Variants in OR2T1 observed in about 807,000 individuals in gnomAD.
The protein encoded by OR2T1 is olfactory receptor 2T1.
For synonymous variants in OR2T1, 186 were observed against 145.4 expected (o/e 1.28, Z -2.01); for missense variants, 440 against 390.2 (o/e 1.13, Z -1.07).
At chr1:248,406,006 A>G in intron 1 of OR2T1, 109 bp from the exon 2 acceptor site, 3 of 1,607,870 alleles carry the variant, frequency 1.9e-6, no homozygotes, top group Non-Finnish European at 2.5e-6. Flanking sequence ...TGTGGCAAGA[A>G]TACTATTTTT....
Position 248,407,253 on chromosome 1 carries a change from G to GTTATA in OR2T1, c.*153_*154insATTAT. ...AGGGTTTCTGGTTCATAACTCCATA[G>GTTATA]TTATGATGTTGTGGTTTTTTAGGCC... On this transcript the variant is annotated 3_prime_UTR_variant, in exon 2 of 2. Transcript: ENST00000642005. The GTTATA allele has an allele frequency of 1.9e-6, 1 of 533,192 alleles. No individual in the cohort carries two copies. Among genetic ancestry groups the GTTATA allele is most frequent in the South Asian group, 3.8e-5 (1 of 26,232 alleles). The allele number at this position is 533,192 out of a possible 1,614,324, so 33.0% of individuals were successfully genotyped here.
intron 1 of OR2T1, 85 bp from the exon 2 acceptor site, chr1:248,406,030 C>T (rs1039901578): frequency 1.9e-6 from 3 of 1,611,536 alleles, no homozygotes; most frequent in Admixed American, 3.3e-5. Context: ...ATGTTTTCTT[C>T]CCACTTTTAA....
At chr1:248,403,617 C>T (rs1661475750) in intron 1 of OR2T1, among the ~76,000 whole-genome samples, 1 of 152,084 alleles carries the variant, frequency 6.6e-6, no homozygotes, top group Non-Finnish European at 1.5e-5. Context: ...TATAAAGTCA[C>T]AGAATCATTC....
Position 248,406,884 on chromosome 1 carries a change from TG to T in OR2T1, c.739del (p.Val247CysfsTer38). ...GCCACTTGCTCATCCCACATGACTG[TG>T]GTGTCCTTGTTCTACGGGGCTGCCA... ...AFATCSSHMT[V>X]VSLFYGAAMY... On this transcript the variant is annotated frameshift_variant, in exon 2 of 2. Transcript: ENST00000642005. LOFTEE classifies it low-confidence loss of function (END_TRUNC). The T allele has an allele frequency of 6.2e-7, 1 of 1,614,150 alleles. No individual in the cohort carries two copies. Among genetic ancestry groups the T allele is most frequent in the Non-Finnish European group, 8.5e-7 (1 of 1,179,992 alleles).
intron 1 of OR2T1, among the ~76,000 whole-genome samples, chr1:248,404,245 G>GGCTATTACATATATGTGTGTGTGTATA: frequency 6.6e-6 from 1 of 150,970 alleles, no homozygotes; most frequent in African/African-American, 2.4e-5. Context: ...AGACAGCAGA[G>GGCTATTACATATATGTGTGTGTGTATA]ACCACTGTTT....
chr1:248,404,851 T>C (rs1362484177), intron 1 of OR2T1, among the ~76,000 whole-genome samples: 12 of 151,912 alleles, frequency 7.9e-5, no homozygotes, highest in South Asian at 4.2e-4. Context: ...GAATTGAGAC[T>C]ATCTAGTCCA....
In OR2T1 at chr1:248,406,666, T is replaced by A; in HGVS notation, c.519T>A (p.Ile173=). 2 of 1,614,100 alleles carry A rather than the reference T, an allele frequency of 1.2e-6. No homozygotes were observed. The highest frequency in any genetic ancestry group is 1.3e-5 in the African/African-American group (1 of 75,038). The change falls in exon 2 of 2, where the codon ATT becomes ATA. Residue 173 remains isoleucine (I), a synonymous_variant. Coordinates refer to ENST00000642005, the MANE Select transcript of OR2T1 (RefSeq NM_030904.2). ...TTCCCTTCTGCAATTCCCGGGAGATTAACCACTTCTTCTGTGAGGCACCAG... is the reference window on the plus strand; with the variant it reads ...TTCCCTTCTGCAATTCCCGGGAGATAAACCACTTCTTCTGTGAGGCACCAG... ...MSFPFCNSRE[I]NHFFCEAPAV...
chr1:248,404,563 A>T (rs1418062542), intron 1 of OR2T1, among the ~76,000 whole-genome samples: 2 of 112,094 alleles, frequency 1.8e-5, no homozygotes, highest in South Asian at 3.7e-4. Flanking sequence ...TATATATAAA[A>T]TATACATATG....
rs962023972 is a variant in OR2T1 at position 248,403,172 on chromosome 1, A to C, written c.-107A>C. On this transcript the variant is annotated 5_prime_UTR_variant, in exon 1 of 2. Transcript: ENST00000642005. Reference sequence around the variant, plus strand: ...TCAAGTCAAAGGATACTTGGGGGAAAAGATAGACTTTAACTGCTGATGTAA... The same window carrying C: ...TCAAGTCAAAGGATACTTGGGGGAACAGATAGACTTTAACTGCTGATGTAA... 1 of 152,152 alleles carries C rather than the reference A, an allele frequency of 6.6e-6. No individual in the cohort carries two copies. The highest frequency in any genetic ancestry group is 2.4e-5 in the African/African-American group (1 of 41,444). The allele number at this position is 152,152 out of a possible 1,614,324, so 9.4% of individuals were successfully genotyped here.
chr1:248,405,357 G>A (rs764122743), intron 1 of OR2T1, among the ~76,000 whole-genome samples: 6 of 151,974 alleles, frequency 3.9e-5, no homozygotes, highest in East Asian at 1.9e-4. Flanking sequence ...CAATGTTTAC[G>A]TCCCTGTGGT....
chr1:248,403,664 A>G (rs7521474), intron 1 of OR2T1, among the ~76,000 whole-genome samples: 33,256 of 152,150 alleles, frequency 0.22, 4,062 homozygotes, highest in East Asian at 0.43. Context: ...GTACTAAACC[A>G]TAGCAAAGCT....
chr1:248,404,044 T>C (rs894114745), intron 1 of OR2T1, among the ~76,000 whole-genome samples: 1 of 152,114 alleles, frequency 6.6e-6, no homozygotes, highest in African/African-American at 2.4e-5. Flanking sequence ...TTTATATTCT[T>C]GAAGTTTGTT....
Position 248,407,388 on chromosome 1 carries a change from G to T in OR2T1, c.*284G>T. On this transcript the variant is annotated 3_prime_UTR_variant, in exon 2 of 2. Transcript: ENST00000642005. The stretch of plus-strand genomic sequence containing the variant: ...TAAAAATATAATCCAATCTTTCCCC[G>T]CTTTTGGTCACAAAGAAATTATCTG... 1 of 375,466 alleles carries T rather than the reference G, an allele frequency of 2.7e-6. No individual in the cohort carries two copies. Among genetic ancestry groups the T allele is most frequent in the Non-Finnish European group, 4.7e-6 (1 of 212,086 alleles). 23.3% of individuals were successfully genotyped at this position (375,466 alleles called of 1,614,324 possible).
Position 248,406,865 on chromosome 1 carries a change from T to A in OR2T1, c.718T>A (p.Cys240Ser), listed in dbSNP as rs1159973307. The A allele has an allele frequency of 6.2e-7, 1 of 1,614,170 alleles. No homozygotes were observed. Among genetic ancestry groups the A allele is most frequent in the South Asian group, 1.1e-5 (1 of 91,068 alleles). ...VEGRKKAFATCSSHMTVVSLF... is the reference protein window; with the variant it reads ...VEGRKKAFATSSSHMTVVSLF... Reference sequence around the variant, plus strand: ...GGGCAGGAAGAAGGCATTTGCCACTTGCTCATCCCACATGACTGTGGTGTC... The same window carrying A: ...GGGCAGGAAGAAGGCATTTGCCACTAGCTCATCCCACATGACTGTGGTGTC... Residue 240 changes from cysteine (C) to serine (S), a missense_variant, in exon 2 of 2, where the codon TGC (cysteine) becomes AGC (serine). Cys to Ser is a moderately radical substitution (Grantham distance 112, BLOSUM62 -1). Coordinates refer to ENST00000642005, the MANE Select transcript of OR2T1 (RefSeq NM_030904.2).
At chr1:248,405,335 T>G (rs2103082145) in intron 1 of OR2T1, among the ~76,000 whole-genome samples, 1 of 152,308 alleles carries the variant, frequency 6.6e-6, no homozygotes, top group Middle Eastern at 3.4e-3. Flanking sequence ...AAATAATCAG[T>G]GAATTATAGC....
At chr1:248,405,912 G>A in intron 1 of OR2T1, 1 of 1,128,244 alleles carries the variant, frequency 8.9e-7, no homozygotes, top group Non-Finnish European at 1.3e-6. Flanking sequence ...CTTCTCCAAT[G>A]TATTTAAGCA....
At chr1:248,405,810 C>T (rs951499588) in intron 1 of OR2T1, among the ~76,000 whole-genome samples, 12 of 152,186 alleles carry the variant, frequency 7.9e-5, no homozygotes, top group African/African-American at 2.7e-4. Context: ...ATACACCGGA[C>T]CATGGTATGC....
At chr1:248,405,863 T>A (rs1277376026) in intron 1 of OR2T1, 1 of 752,632 alleles carries the variant, frequency 1.3e-6, no homozygotes, top group Non-Finnish European at 2.1e-6. Context: ...GGCATTGTTA[T>A]GCACATCATC....
At chr1:248,405,871 A>G in intron 1 of OR2T1, 2 of 793,442 alleles carry the variant, frequency 2.5e-6, no homozygotes, top group Non-Finnish European at 4.0e-6. Context: ...TATGCACATC[A>G]TCGTAATACA....
Sources: allele counts gnomAD v4.1 joint callset (sites outside exome capture counted in the v4.1 genomes callset), GRCh38; gene constraint gnomAD v4.1.1; transcripts MANE v1.5; gene names NCBI Gene and HGNC (gene_info 2026-07-23, HGNC 2026-07-21).